TEX36: variants seen among roughly 807,000 people sequenced by gnomAD.
TEX36 encodes the protein testis-expressed protein 36.
Under a neutral mutation model 13.6 loss-of-function variants are expected in TEX36, and 12 were observed. The ratio of observed to expected loss-of-function variants is 0.88; its 90% CI spans 0.56 to 1.43. The LOEUF (loss-of-function observed/expected upper bound fraction) is 1.43. Among genes scored for constraint, TEX36 ranks in the 40% most tolerant of loss-of-function variants. The pLI is 0.00. For synonymous variants in TEX36, 93 were observed against 83.0 expected (o/e 1.12, Z -0.65); for missense variants, 224 against 228.3 (o/e 0.98, Z 0.12).
chr10:125,666,231 T>C (rs1245185593), intron 1 of TEX36, among the ~76,000 whole-genome samples: 2 of 152,226 alleles, frequency 1.3e-5, no homozygotes, highest in African/African-American at 2.4e-5. Flanking sequence ...CTTCTAGTAC[T>C]ATGTTGAATA....
At chr10:125,654,164 A>G (rs960166442), downstream of TEX36, among the ~76,000 whole-genome samples, 5 of 152,126 alleles carry the variant, frequency 3.3e-5, no homozygotes, top group Admixed American at 2.6e-4. Flanking sequence ...AAACATTATT[A>G]GAACTTTCTT....
Position 125,656,171 on chromosome 10 carries a change from G to A in TEX36, c.290C>T (p.Pro97Leu), listed in dbSNP as rs533984132. The A allele has an allele frequency of 6.5e-6, 10 of 1,527,076 alleles. No individual in the cohort carries two copies. In the South Asian group the frequency reaches 1.2e-4, roughly 19 times the overall value. 94.6% of individuals were successfully genotyped at this position (1,527,076 alleles called of 1,614,324 possible). A position where few individuals can be genotyped will look rare whatever the true frequency, so the allele number is the denominator to read the frequency against. Reference sequence around the variant, plus strand: ...TCTTGAAACATGTTGCCTCTTATCTGGAGAGATCTTCTTACGTCCCAGGCC... The same window carrying A: ...TCTTGAAACATGTTGCCTCTTATCTAGAGAGATCTTCTTACGTCCCAGGCC... ...DSGLGRKKIS[P>L]DKRQHVSRNF... Residue 97 changes from proline (P) to leucine (L), a missense_variant, in exon 4 of 4, where the codon CCA (proline) becomes CTA (leucine). By Grantham distance (98) the Pro-to-Leu change is moderately conservative. Transcript: ENST00000368821.
chr10:125,654,703 T>C (rs1002954800), downstream of TEX36, among the ~76,000 whole-genome samples: 1 of 152,150 alleles, frequency 6.6e-6, no homozygotes, highest in African/African-American at 2.4e-5. Flanking sequence ...CACTAATAAA[T>C]AGAGAAATGC....
At chr10:125,667,978 T>C in intron 1 of TEX36, 1 of 826,288 alleles carries the variant, frequency 1.2e-6, no homozygotes, top group Non-Finnish European at 2.1e-6. Flanking sequence ...GTTCCAGTGC[T>C]TCAAAGGAAA....
At chr10:125,658,783 G>GA (rs1281040682) in intron 3 of TEX36, among the ~76,000 whole-genome samples, 1 of 151,820 alleles carries the variant, frequency 6.6e-6, no homozygotes, top group African/African-American at 2.4e-5. Context: ...TTAGGAAAGG[G>GA]AAAAATTAAA....
chr10:125,669,970 G>A (rs1482998903), intron 1 of TEX36, among the ~76,000 whole-genome samples: 2 of 152,058 alleles, frequency 1.3e-5, no homozygotes, highest in African/African-American at 2.4e-5. Context: ...TGGTGTACAT[G>A]TACATTTTCT....
At chr10:125,605,451 A>C (rs57730692) in intron 3 of TEX36, among the ~76,000 whole-genome samples, 1 of 131,036 alleles carries the variant, frequency 7.6e-6, no homozygotes, top group Admixed American at 7.0e-5. Flanking sequence ...CATACACAGC[A>C]TAGTGCAGCA....
chr10:125,667,429 A>G (rs778799979), intron 1 of TEX36: 45 of 681,640 alleles, frequency 6.6e-5, no homozygotes, highest in Non-Finnish European at 1.1e-4. Flanking sequence ...AGATGCTGGC[A>G]TGACAGGCCA....
At position 125,649,354 on chromosome 10, in the gene TEX36, A is replaced by G. The variant is rs549123438; in HGVS notation, c.264+11667T>C. Among the ~76,000 whole-genome samples, 23 of 152,364 alleles carry G rather than the reference A, an allele frequency of 1.5e-4. No individual in the cohort carries two copies. The South Asian group carries it at 4.3e-3, about 29-fold the overall frequency. Reference sequence around the variant, plus strand: ...GAAGAGAGTGGGGGGCCAATATTCAACATTCTTAAAGAATTTTCAACACAT... The same window carrying G: ...GAAGAGAGTGGGGGGCCAATATTCAGCATTCTTAAAGAATTTTCAACACAT... On this transcript the variant is annotated intron_variant, in intron 3 of 3. Coordinates refer to the TEX36 transcript ENST00000526819.
intron 1 of TEX36, among the ~76,000 whole-genome samples, chr10:125,679,956 A>T (rs1233080985): frequency 2.0e-5 from 3 of 152,148 alleles, no homozygotes; most frequent in African/African-American, 7.2e-5. Context: ...TCACATACAA[A>T]CACCTATGCC....
intron 3 of TEX36, among the ~76,000 whole-genome samples, chr10:125,657,956 A>C (rs1846973851): frequency 6.6e-6 from 1 of 152,216 alleles, no homozygotes; most frequent in Admixed American, 6.5e-5. Flanking sequence ...TATCAGTAGA[A>C]GTCAGAGTGA....
At chr10:125,641,862 A>T (rs554272839) in intron 3 of TEX36, among the ~76,000 whole-genome samples, 3 of 152,208 alleles carry the variant, frequency 2.0e-5, no homozygotes, top group African/African-American at 7.2e-5. Context: ...TTTGTTTTTG[A>T]CTCACTGGAT....
chr10:125,652,906 A>G (rs1846881932), downstream of TEX36, among the ~76,000 whole-genome samples: 1 of 152,246 alleles, frequency 6.6e-6, no homozygotes, highest in South Asian at 2.1e-4. Context: ...ATCACTGGCC[A>G]TCAGAGAAAT....
intron 3 of TEX36, 52 bp downstream of exon 3, chr10:125,660,969 G>T: frequency 6.9e-7 from 1 of 1,458,936 alleles, no homozygotes; most frequent in Non-Finnish European, 9.4e-7. Flanking sequence ...AGAAAATCAA[G>T]ATCCCTTGTG....
At chr10:125,600,622 G>C (rs954419226) in intron 3 of TEX36, among the ~76,000 whole-genome samples, 1 of 152,204 alleles carries the variant, frequency 6.6e-6, no homozygotes, top group African/African-American at 2.4e-5. Flanking sequence ...CCGCAGTCAA[G>C]TCACTTGCTG....
intron 3 of TEX36, among the ~76,000 whole-genome samples, chr10:125,586,525 C>T (rs920592713): frequency 6.7e-6 from 1 of 149,938 alleles, no homozygotes; most frequent in Admixed American, 6.8e-5. Context: ...CAGGGTGGCT[C>T]TTGCCCGTAC....
chr10:125,592,232 G>A (rs1277968117), intron 3 of TEX36, among the ~76,000 whole-genome samples: 3 of 152,080 alleles, frequency 2.0e-5, no homozygotes, highest in African/African-American at 7.2e-5. Context: ...AAAGACAGCA[G>A]GCATGAGGAA....
chr10:125,661,947 G>T lies in TEX36; in HGVS notation c.82C>A (p.Pro28Thr), dbSNP rs1454556719. The T allele has an allele frequency of 6.4e-7, 1 of 1,552,262 alleles. No homozygotes were observed. The highest frequency in any genetic ancestry group is 2.4e-5 in the East Asian group (1 of 40,938). The change falls in exon 2 of 4, where the codon CCA becomes ACA. Residue 28 changes from proline (P) to threonine (T), a missense_variant. Transcript: ENST00000368821. ...FPHIGLTQKT[P>T]ESITSATSKE... is the part of the protein sequence containing the mutation. ...GACGTAGCACTGGTGATGGATTCTG[G>T]TGTCTTTTGCGTTAGCCCGATGTGA...
intron 3 of TEX36, among the ~76,000 whole-genome samples, chr10:125,643,777 C>A (rs913647403): frequency 2.0e-5 from 3 of 151,766 alleles, no homozygotes; most frequent in Non-Finnish European, 4.4e-5. Flanking sequence ...ATTAGCTGGG[C>A]ATGGTGGCAC....
Sources: allele counts gnomAD v4.1 joint callset (sites outside exome capture counted in the v4.1 genomes callset), GRCh38; gene constraint gnomAD v4.1.1; transcripts MANE v1.5; gene names NCBI Gene and HGNC (gene_info 2026-07-23, HGNC 2026-07-21).